Variants in FEZF1 observed in about 807,000 individuals in gnomAD.
FEZF1 encodes the protein fez family zinc finger protein 1.
FEZF1 carries 8 observed loss-of-function variants against 32.4 expected under a neutral mutation model. The ratio of observed to expected loss-of-function variants is 0.25; its 90% CI spans 0.15 to 0.45. The LOEUF (loss-of-function observed/expected upper bound fraction) is 0.45, where lower values mean the gene tolerates loss of function less well. FEZF1 is among the 20% of genes least tolerant of loss of function. FEZF1 has a pLI of 1.00. For missense variants in FEZF1, 546 were observed against 622.3 expected (o/e 0.88, Z 1.31); for synonymous variants, 259 against 265.2 (o/e 0.98, Z 0.23).
In FEZF1 at chr7:122,304,155, G is replaced by A; in HGVS notation, c.283C>T (p.Pro95Ser). 6.2e-7 allele frequency: 1 copy of A among 1,602,588 alleles called. No individual in the cohort carries two copies. Among genetic ancestry groups the A allele is most frequent in the Non-Finnish European group, 8.5e-7 (1 of 1,173,222 alleles). The change falls in exon 1 of 4, where the codon CCG (proline) becomes TCG (serine). Residue 95 changes from proline (P) to serine (S), a missense_variant. This residue lies in a region of FEZF1 where 345 missense variants were observed against 360.6 expected (regional missense o/e 0.96). Coordinates refer to ENST00000442488, the MANE Select transcript of FEZF1 (RefSeq NM_001024613.4). ...SPKAGVTGSE[P>S]RKASLEAPAA... is the part of the protein sequence containing the mutation. ...GGGGCCTCCAGACTGGCCTTCCGCG[G>A]CTCGGAGCCCGTCACTCCTGCCTTG... is the stretch of plus-strand genomic sequence containing the variant.
upstream of FEZF1, among the ~76,000 whole-genome samples, chr7:122,308,283 A>C (rs1033209385): frequency 1.3e-5 from 2 of 152,208 alleles, no homozygotes; most frequent in Non-Finnish European, 2.9e-5. Flanking sequence ...TCCTTTATGA[A>C]ATATCCTGAG....
chr7:122,308,163 A>AT (rs930451236), upstream of FEZF1, among the ~76,000 whole-genome samples: 12 of 151,896 alleles, frequency 7.9e-5, no homozygotes, highest in Non-Finnish European at 1.5e-4. Context: ...CTATAATCCT[A>AT]TTTTTTTGCT....
In FEZF1 at chr7:122,302,708, A is replaced by G; in HGVS notation, c.1069+91T>C. On this transcript the variant is annotated intron_variant, in intron 3 of 3. Coordinates refer to ENST00000442488, the MANE Select transcript of FEZF1 (RefSeq NM_001024613.4). This position sits in a 1 kb window ranked among gnomAD's most constrained non-coding sequence, Gnocchi z 4.4. ...GGCAACAAAAGTGCCACATAACTAC[A>G]CTTTAAACATCGTCTTCTAAAACAT... 7.0e-7 allele frequency: 1 copy of G among 1,419,142 alleles called. No individual in the cohort carries two copies. Among genetic ancestry groups the G allele is most frequent in the Non-Finnish European group, 9.9e-7 (1 of 1,012,574 alleles). The allele number at this position is 1,419,142 out of a possible 1,614,324, so 87.9% of individuals were successfully genotyped here. A position where few individuals can be genotyped will look rare whatever the true frequency, so the allele number is the denominator to read the frequency against.
Position 122,304,601 on chromosome 7 carries a change from C to A in FEZF1, c.-164G>T. 5.9e-6 allele frequency: 3 copies of A among 508,326 alleles called. No individual in the cohort carries two copies. The allele number at this position is 508,326 out of a possible 1,614,324, so 31.5% of individuals were successfully genotyped here. On this transcript the variant is annotated 5_prime_UTR_variant, in exon 1 of 4. Transcript: ENST00000442488. Reference sequence around the variant, plus strand: ...CACCAGCCGAACCTGCCTGCCCAGCCCAATGGACTCCTGCCAGCCCATCGC... The same window carrying A: ...CACCAGCCGAACCTGCCTGCCCAGCACAATGGACTCCTGCCAGCCCATCGC...
chr7:122,304,209 AG>A lies in FEZF1; in HGVS notation c.228del (p.Phe77SerfsTer14). 6.3e-7 allele frequency: 1 copy of A among 1,596,436 alleles called. No individual in the cohort carries two copies. The highest frequency in any genetic ancestry group is 8.6e-7 in the Non-Finnish European group (1 of 1,168,962). ...HLNSSIPCMI[P>X]FVPVAYDTSP... ...CTCGTGTCGTAGGCCACAGGCACGA[AG>A]GGGATCATGCAGGGGATCGACGAGT... On this transcript the variant is annotated frameshift_variant, in exon 1 of 4. Transcript: ENST00000442488. LOFTEE classifies it high-confidence loss of function.
intron 2 of FEZF1, 49 bp downstream of exon 2, chr7:122,303,128 G>T: frequency 6.2e-7 from 1 of 1,611,582 alleles, no homozygotes; most frequent in East Asian, 2.2e-5. Context: ...CTGTTTTTCT[G>T]CAAACAGTTC....
chr7:122,307,590 A>G (rs1195400041), upstream of FEZF1: 1 of 152,458 alleles, frequency 6.6e-6, no homozygotes, highest in Non-Finnish European at 1.5e-5. Context: ...GGTGTATACC[A>G]AACTAAAAAG....
chr7:122,305,060 T>A (rs997909136), upstream of FEZF1: 2 of 152,016 alleles, frequency 1.3e-5, no homozygotes, highest in African/African-American at 4.8e-5. Flanking sequence ...AGTGACATCA[T>A]CTAAAATCAT....
In FEZF1 at chr7:122,302,123, A is replaced by T. The variant is rs753554836; in HGVS notation, c.1302T>A (p.Ala434=). The change falls in exon 4 of 4, where the codon GCT becomes GCA. Residue 434 remains alanine, a synonymous_variant. Coordinates refer to ENST00000442488, the MANE Select transcript of FEZF1 (RefSeq NM_001024613.4). This position sits in a 1 kb window ranked among gnomAD's most constrained non-coding sequence, Gnocchi z 4.4. ...DSSLGLARTP[A]GEPGTEPPPP... The stretch of plus-strand genomic sequence containing the variant: ...GCGGCGGTTCAGTGCCTGGTTCGCC[A>T]GCTGGCGTGCGGGCCAGCCCCAGGC... The T allele has an allele frequency of 1.9e-6, 3 of 1,613,974 alleles. No homozygotes were observed. The East Asian group carries it at 6.7e-5, about 36-fold the overall frequency.
At position 122,301,617 on chromosome 7, in the gene FEZF1, T is replaced by G; in HGVS notation, c.*380A>C. On this transcript the variant is annotated 3_prime_UTR_variant, in exon 4 of 4. Transcript: ENST00000442488. ...ATAATAAAATTAAAATGATGCAGCA[T>G]TCCCGGGTAGAATAATACAGATCTC... 5.4e-6 allele frequency: 1 copy of G among 183,864 alleles called. No individual in the cohort carries two copies. Among genetic ancestry groups the G allele is most frequent in the Non-Finnish European group, 1.1e-5 (1 of 89,982 alleles). The allele number at this position is 183,864 out of a possible 1,614,324, so 11.4% of individuals were successfully genotyped here. A position where few individuals can be genotyped will look rare whatever the true frequency, so the allele number is the denominator to read the frequency against.
At position 122,304,063 on chromosome 7, in the gene FEZF1, C is replaced by T. The variant is rs1255557987; in HGVS notation, c.375G>A (p.Leu125=). The change falls in exon 1 of 4, where the codon CTG becomes CTA. Residue 125 remains leucine, a synonymous_variant. Transcript: ENST00000442488. ...FSCSDLLNCA[L]SLKGDLARDA... ...CGCGGGCCAGGTCGCCCTTGAGACT[C>T]AGTGCGCAGTTGAGCAGGTCGCTGC... 6.4e-7 allele frequency: 1 copy of T among 1,562,652 alleles called. No homozygotes were observed. The highest frequency in any genetic ancestry group is 8.6e-7 in the Non-Finnish European group (1 of 1,156,322).
At position 122,304,371 on chromosome 7, in the gene FEZF1, TC is replaced by T. The variant is rs780225492; in HGVS notation, c.66del (p.Met22IlefsTer2). 6.2e-7 allele frequency: 1 copy of T among 1,603,616 alleles called. No homozygotes were observed. The highest frequency in any genetic ancestry group is 8.5e-7 in the Non-Finnish European group (1 of 1,172,802). Reference protein sequence around the residue: ...MLATAPARGNMMSTSKPLAFS... With the variant: ...MLATAPARGNXMSTSKPLAFS... ...AAAGCCAAGGGTTTGGACGTGCTCA[TC>T]ATGTTGCCCCGAGCTGGAGCAGTCG... is the stretch of plus-strand genomic sequence containing the variant. On this transcript the variant is annotated frameshift_variant, in exon 1 of 4. Coordinates refer to ENST00000442488, the MANE Select transcript of FEZF1 (RefSeq NM_001024613.4). LOFTEE classifies it high-confidence loss of function.
Position 122,304,587 on chromosome 7 carries a change from C to G in FEZF1, c.-150G>C. 1 of 573,252 alleles carries G rather than the reference C, an allele frequency of 1.7e-6. No homozygotes were observed. The highest frequency in any genetic ancestry group is 2.9e-6 in the Non-Finnish European group (1 of 340,742). The allele number at this position is 573,252 out of a possible 1,614,324, so 35.5% of individuals were successfully genotyped here. ...CTCCTCCCCAGCATCACCAGCCGAA[C>G]CTGCCTGCCCAGCCCAATGGACTCC... On this transcript the variant is annotated 5_prime_UTR_variant, in exon 1 of 4. Transcript: ENST00000442488.
rs564218713 is a variant in FEZF1, at chr7:122,303,713, G to T, written c.725C>A (p.Ala242Glu). Residue 242 changes from alanine to glutamate, a missense_variant, in exon 1 of 4, where the codon GCG (alanine) becomes GAG (glutamate). Around this residue, in one of 3 missense-constraint regions of FEZF1, gnomAD observed 345 missense variants for 360.6 expected, o/e 0.96. Coordinates refer to ENST00000442488, the MANE Select transcript of FEZF1 (RefSeq NM_001024613.4). ...TCGGCTGAAATCCGAGGTTTTGAAC[G>T]CGATTTTTTCCGACAGAAGCTGGGC... is the stretch of plus-strand genomic sequence containing the variant. ...ESAQLLSEKI[A>E]FKTSDFSRGS... 1 of 1,614,194 alleles carries T rather than the reference G, an allele frequency of 6.2e-7. No individual in the cohort carries two copies. Among genetic ancestry groups the T allele is most frequent in the East Asian group, 2.2e-5 (1 of 44,870 alleles).
At chr7:122,306,982 C>T (rs2150619443), upstream of FEZF1, 1 of 152,388 alleles carries the variant, frequency 6.6e-6, no homozygotes, top group South Asian at 2.1e-4. Context: ...TTTCCTTTTG[C>T]TGGGGCCACG....
At chr7:122,303,569 G>C in intron 1 of FEZF1, 68 bp downstream of exon 1, 1 of 1,031,796 alleles carries the variant, frequency 9.7e-7, no homozygotes, top group Non-Finnish European at 1.4e-6. Flanking sequence ...AAGGAGGGAG[G>C]GAGGGAGGGA....
At position 122,303,703 on chromosome 7, in the gene FEZF1, G is replaced by C. The variant is rs756663519; in HGVS notation, c.735C>G (p.Thr245=). The C allele has an allele frequency of 1.9e-6, 3 of 1,614,220 alleles. No individual in the cohort carries two copies. The highest frequency in any genetic ancestry group is 2.5e-6 in the Non-Finnish European group (3 of 1,180,044). Residue 245 remains threonine (T), a synonymous_variant, in exon 1 of 4, where the codon ACC becomes ACG. Transcript: ENST00000442488. The stretch of plus-strand genomic sequence containing the variant: ...TAGGAGAGCCTCGGCTGAAATCCGA[G>C]GTTTTGAACGCGATTTTTTCCGACA... ...QLLSEKIAFK[T]SDFSRGSPNA...
chr7:122,304,895 C>T (rs2031226429), upstream of FEZF1: 1 of 155,280 alleles, frequency 6.4e-6, no homozygotes, highest in South Asian at 2.1e-4. Flanking sequence ...GCGCCCTCCC[C>T]TCTGCGCACA....
chr7:122,308,036 A>C (rs1441614004), upstream of FEZF1, among the ~76,000 whole-genome samples: 1 of 152,264 alleles, frequency 6.6e-6, no homozygotes, highest in Non-Finnish European at 1.5e-5. Flanking sequence ...AGAAGCTTTC[A>C]AAACGTTTCA....
Sources: allele counts gnomAD v4.1 joint callset (sites outside exome capture counted in the v4.1 genomes callset), GRCh38; gene constraint gnomAD v4.1.1; regional missense constraint gnomAD v4.1.1; non-coding constraint Gnocchi (gnomAD v3.1); transcripts MANE v1.5; gene names NCBI Gene and HGNC (gene_info 2026-07-23, HGNC 2026-07-21).